Variants in BAZ2B observed in about 807,000 individuals in gnomAD.
BAZ2B encodes bromodomain adjacent to zinc finger domain 2B.
A neutral mutation model predicts 246.0 loss-of-function variants in BAZ2B; 91 were observed. The observed-to-expected ratio is 0.37, with a 90% confidence interval of 0.31 to 0.44. BAZ2B has a LOEUF of 0.44. BAZ2B is among the 20% of genes least tolerant of loss of function. The pLI, the probability that BAZ2B is intolerant of heterozygous loss-of-function variation, is 1.00. For missense variants in BAZ2B, 2,332 were observed against 2,533.7 expected (o/e 0.92, Z 1.71); for synonymous variants, 855 against 860.0 (o/e 0.99, Z 0.10).
At chr2:159,474,846 T>C (rs1348695051) in intron 3 of BAZ2B, among the ~76,000 whole-genome samples, 1 of 152,224 alleles carries the variant, frequency 6.6e-6, no homozygotes, top group Non-Finnish European at 1.5e-5. Flanking sequence ...AAATTCTGGA[T>C]TGAAAATTCT....
intron 36 of BAZ2B, among the ~76,000 whole-genome samples, chr2:159,323,445 T>C (rs1050062417): frequency 5.9e-5 from 9 of 152,138 alleles, no homozygotes; most frequent in African/African-American, 2.2e-4. Context: ...GTGTAATTCT[T>C]TTTCTTGGCC....
the BAZ2B span, among the ~76,000 whole-genome samples, chr2:159,658,040 C>T: frequency 6.6e-6 from 1 of 152,186 alleles, no homozygotes; most frequent in African/African-American, 2.4e-5. Flanking sequence ...TATTCTCTCA[C>T]TATTAAGTAT....
At chr2:159,607,885 G>GAGC (rs1184123137) in intron 1 of BAZ2B, among the ~76,000 whole-genome samples, 1 of 152,138 alleles carries the variant, frequency 6.6e-6, no homozygotes, top group East Asian at 1.9e-4. Flanking sequence ...AGCTCTCCCA[G>GAGC]AGCATGCTTG....
At chr2:159,325,057 ATAT>A (rs1474248384) in intron 35 of BAZ2B, 103 bp from the exon 36 acceptor site, 17 of 8,058 alleles carry the variant, frequency 2.1e-3, no homozygotes, top group Middle Eastern at 0.071. Flanking sequence ...ATATATATAT[ATAT>A]TATATATATA....
At chr2:159,347,245 G>A (rs925716676) in intron 31 of BAZ2B, among the ~76,000 whole-genome samples, 17 of 152,036 alleles carry the variant, frequency 1.1e-4, no homozygotes, top group African/African-American at 4.1e-4. Flanking sequence ...AAGAACATGG[G>A]CTCTGGAGTC....
chr2:159,345,655 A>G (rs1358091380), intron 31 of BAZ2B, among the ~76,000 whole-genome samples: 1 of 152,198 alleles, frequency 6.6e-6, no homozygotes, highest in East Asian at 1.9e-4. Flanking sequence ...CACTTTCCCA[A>G]CCAACAGTCA....
intron 21 of BAZ2B, among the ~76,000 whole-genome samples, 179 bp downstream of exon 21, chr2:159,389,166 G>A (rs981177226): frequency 2.6e-5 from 4 of 151,980 alleles, no homozygotes; most frequent in African/African-American, 9.7e-5. Context: ...CAGCACAAGA[G>A]CTCCAGAGAG....
At chr2:159,435,130 G>T (rs1015986514) in intron 8 of BAZ2B, 1 of 151,810 alleles carries the variant, frequency 6.6e-6, no homozygotes, top group Non-Finnish European at 1.5e-5. Context: ...AATCAGCAAA[G>T]ATTTGTGATG....
chr2:159,671,458 G>T, the BAZ2B span, among the ~76,000 whole-genome samples: 1 of 152,130 alleles, frequency 6.6e-6, no homozygotes, highest in Admixed American at 6.5e-5. Flanking sequence ...AGTGAACCCA[G>T]AGAGGCAATG....
the BAZ2B span, among the ~76,000 whole-genome samples, chr2:159,641,014 T>C: frequency 6.6e-6 from 1 of 151,118 alleles, no homozygotes; most frequent in Middle Eastern, 3.2e-3. Flanking sequence ...AAAAACCAAA[T>C]AAATAAAATC....
chr2:159,591,453 G>T (rs958987566), intron 1 of BAZ2B, among the ~76,000 whole-genome samples: 2 of 151,982 alleles, frequency 1.3e-5, no homozygotes, highest in African/African-American at 4.8e-5. Context: ...GGTAGGATAA[G>T]GAAAACAGAA....
intron 1 of BAZ2B, among the ~76,000 whole-genome samples, chr2:159,613,441 G>A: frequency 7.9e-6 from 1 of 127,300 alleles, no homozygotes; most frequent in East Asian, 2.4e-4. Flanking sequence ...TATTTTTAAA[G>A]CATACAATCT....
chr2:159,625,088 A>G, the BAZ2B span, among the ~76,000 whole-genome samples: 1 of 152,080 alleles, frequency 6.6e-6, no homozygotes, highest in Non-Finnish European at 1.5e-5. Flanking sequence ...CAGAGACTGA[A>G]TATCAACTTA....
intron 2 of BAZ2B, among the ~76,000 whole-genome samples, chr2:159,492,122 C>T (rs1329348803): frequency 6.6e-6 from 1 of 152,176 alleles, no homozygotes; most frequent in Admixed American, 6.5e-5. Context: ...TCCAATCAAA[C>T]TTAATTAGTC....
At chr2:159,392,607 T>C (rs1347411515) in intron 20 of BAZ2B, among the ~76,000 whole-genome samples, 1 of 152,038 alleles carries the variant, frequency 6.6e-6, no homozygotes, top group Non-Finnish European at 1.5e-5. Flanking sequence ...TCTCTTTGAC[T>C]CTTGAGCCTG....
rs1288896691 is a variant in BAZ2B, at chr2:159,438,371, G to C, written c.1225C>G (p.Leu409Val). The C allele has an allele frequency of 1.2e-6, 2 of 1,614,002 alleles. No individual in the cohort carries two copies. The highest frequency in any genetic ancestry group is 2.2e-5 in the East Asian group (1 of 44,870). Residue 409 changes from leucine (L) to valine (V), a missense_variant, in exon 8 of 37, where the codon CTT (leucine) becomes GTT (valine). Coordinates refer to ENST00000392783, the MANE Select transcript of BAZ2B (RefSeq NM_013450.4). ...GAGGTATTTTTATTCCCTGCTTTAAGAACATCAGGAGAAGGAACTATGAGT... is the reference window on the plus strand; with the variant it reads ...GAGGTATTTTTATTCCCTGCTTTAACAACATCAGGAGAAGGAACTATGAGT... ...MKLIVPSPDV[L>V]KAGNKNTSEE...
the BAZ2B span, among the ~76,000 whole-genome samples, chr2:159,659,412 T>C: frequency 6.6e-6 from 1 of 152,204 alleles, no homozygotes; most frequent in African/African-American, 2.4e-5. Context: ...TCTTTGAACA[T>C]GTGTAGTTTG....
rs1398022781 is a variant in BAZ2B, at chr2:159,332,533, G to A, written c.5943+7C>T. 1.2e-6 allele frequency: 2 copies of A among 1,608,080 alleles called. No individual in the cohort carries two copies. Among genetic ancestry groups the A allele is most frequent in the Admixed American group, 3.4e-5 (2 of 58,732 alleles). On this transcript the variant is annotated splice_region_variant and intron_variant, in intron 34 of 36. Coordinates refer to ENST00000392783, the MANE Select transcript of BAZ2B (RefSeq NM_013450.4). ...AAATGAAAAGTTTAGTTTTAGATTG[G>A]TCTTACCTTAGCAATGCAAGCTGGA...
intron 14 of BAZ2B, among the ~76,000 whole-genome samples, chr2:159,407,534 A>G (rs1266322367): frequency 2.0e-5 from 3 of 152,210 alleles, no homozygotes; most frequent in Non-Finnish European, 4.4e-5. Context: ...ATCTTTAAGC[A>G]AAGTTTAAAT....
Sources: gnomAD v4.1 joint callset for allele counts (sites outside exome capture counted in the v4.1 genomes callset) on GRCh38, gnomAD v4.1.1 for gene constraint, MANE v1.5 for transcripts, NCBI Gene and HGNC (gene_info 2026-07-23, HGNC 2026-07-21) for gene names.